The following DHRSX variants were observed in gnomAD, a reference collection of about 807,000 sequenced individuals.
DHRSX encodes polyprenol dehydrogenase.
A neutral mutation model predicts 34.0 loss-of-function variants in DHRSX; 31 were observed. That is an observed-to-expected ratio of 0.91 (90% confidence interval 0.69 to 1.23). DHRSX has a LOEUF of 1.23. Among genes scored for constraint, DHRSX ranks in the 50% most tolerant of loss-of-function variants. The pLI is 0.00. For synonymous variants in DHRSX, 201 were observed against 183.8 expected, an observed-to-expected ratio of 1.09 and a Z score of -0.76; for missense variants, 414 against 428.1, an observed-to-expected ratio of 0.97 and a Z score of 0.29.
At chrX:2,229,059 G>C (rs757261574) in intron 6 of DHRSX, among the ~76,000 whole-genome samples, 3 of 152,330 alleles carry the variant, frequency 2.0e-5, no homozygotes, top group Non-Finnish European at 2.9e-5. Flanking sequence ...GGCACGCAGA[G>C]GCTCGTTCGC....
At chrX:2,443,791 G>A (rs1388950112) in intron 1 of DHRSX, among the ~76,000 whole-genome samples, 3 of 152,122 alleles carry the variant, frequency 2.0e-5, no homozygotes. Context: ...CAGATCACGA[G>A]GTCAGGATAT....
chrX:2,347,305 A>ACTTACTC (rs1302223036), intron 3 of DHRSX, among the ~76,000 whole-genome samples: 1 of 152,128 alleles, frequency 6.6e-6, no homozygotes, highest in African/African-American at 2.4e-5. Context: ...ATCTCATAAA[A>ACTTACTC]CTTACTCACT....
chrX:2,283,446 G>C (rs185107219), intron 4 of DHRSX, among the ~76,000 whole-genome samples: 2 of 152,116 alleles, frequency 1.3e-5, no homozygotes, highest in African/African-American at 4.8e-5. Context: ...TCAAGGATCC[G>C]CTGACGAATG....
At chrX:2,379,612 T>G (rs1284696172) in intron 3 of DHRSX, among the ~76,000 whole-genome samples, 5 of 150,174 alleles carry the variant, frequency 3.3e-5, no homozygotes, top group Admixed American at 1.3e-4. Context: ...TTTTTTTTTT[T>G]TTTTTTTAAT....
intron 1 of DHRSX, among the ~76,000 whole-genome samples, chrX:2,447,301 G>A (rs1251254068): frequency 1.3e-5 from 2 of 152,118 alleles, no homozygotes; most frequent in Non-Finnish European, 2.9e-5. Context: ...ACACACTGAA[G>A]ACATTCACTA....
intron 3 of DHRSX, among the ~76,000 whole-genome samples, chrX:2,360,511 A>G (rs1010515885): frequency 4.6e-5 from 7 of 152,072 alleles, no homozygotes; most frequent in Non-Finnish European, 1.0e-4. Context: ...TGAACCCGGG[A>G]GGCGGAGATT....
chrX:2,415,052 G>T (rs1694461654), intron 2 of DHRSX, among the ~76,000 whole-genome samples: 1 of 150,878 alleles, frequency 6.6e-6, no homozygotes, highest in Non-Finnish European at 1.5e-5. Flanking sequence ...CAACCAAACA[G>T]ATCCCATTAT....
At chrX:2,465,809 C>CAAAAAAAAAAAAAAA (rs375728172) in intron 1 of DHRSX, among the ~76,000 whole-genome samples, 21 of 84,714 alleles carry the variant, frequency 2.5e-4, no homozygotes, top group African/African-American at 7.2e-4. Flanking sequence ...AACTCCATCG[C>CAAAAAAAAAAAAAAA]AAAAAAAAAA....
intron 1 of DHRSX, among the ~76,000 whole-genome samples, chrX:2,463,815 C>G (rs2124687868): frequency 6.6e-6 from 1 of 150,456 alleles, no homozygotes; most frequent in South Asian, 2.1e-4. Context: ...GAAAAAAAAG[C>G]AGCTTACAGG....
chrX:2,358,941 T>C (rs1358611115), intron 3 of DHRSX, among the ~76,000 whole-genome samples: 1 of 140,488 alleles, frequency 7.1e-6, no homozygotes, highest in Non-Finnish European at 1.5e-5. Context: ...AGAGTGAGAC[T>C]CTGTCTCGGA....
At chrX:2,446,216 T>TA (rs1224202963) in intron 1 of DHRSX, among the ~76,000 whole-genome samples, 1 of 151,792 alleles carries the variant, frequency 6.6e-6, no homozygotes, top group African/African-American at 2.4e-5. Context: ...ATGTACACAC[T>TA]AAAAATGTTC....
At chrX:2,388,682 A>T (rs1783046206) in intron 3 of DHRSX, among the ~76,000 whole-genome samples, 1 of 151,900 alleles carries the variant, frequency 6.6e-6, no homozygotes, top group South Asian at 2.1e-4. Context: ...GGACACAGAC[A>T]CAGACAGAGG....
intron 1 of DHRSX, among the ~76,000 whole-genome samples, chrX:2,499,602 C>A (rs2045362437): frequency 6.6e-6 from 1 of 151,758 alleles, no homozygotes; most frequent in Non-Finnish European, 1.5e-5. Flanking sequence ...GAGATGCCAT[C>A]TCTACAAAAA....
intron 4 of DHRSX, among the ~76,000 whole-genome samples, chrX:2,271,056 T>A (rs1440877283): frequency 6.6e-6 from 1 of 152,240 alleles, no homozygotes; most frequent in African/African-American, 2.4e-5. Context: ...TTCCACGTTG[T>A]GGAAACTTTG....
chrX:2,493,093 G>A (rs570040501), intron 1 of DHRSX, among the ~76,000 whole-genome samples: 2 of 152,334 alleles, frequency 1.3e-5, no homozygotes, highest in African/African-American at 4.8e-5. Flanking sequence ...GTGCAAGGAG[G>A]GGGGTCCTGT....
chrX:2,231,753 G>A (rs1402955993), intron 6 of DHRSX, among the ~76,000 whole-genome samples: 7 of 130,392 alleles, frequency 5.4e-5, no homozygotes, highest in African/African-American at 1.2e-4. Context: ...CCTCCACCTC[G>A]TCCTCTTCCT....
chrX:2,368,867 G>A (rs934338262), intron 3 of DHRSX, among the ~76,000 whole-genome samples: 7 of 151,918 alleles, frequency 4.6e-5, no homozygotes, highest in African/African-American at 7.2e-5. Context: ...TAAATAACCC[G>A]GGAGGTGGAG....
In DHRSX at chrX:2,270,747, G is replaced by A. The variant is rs760031828; in HGVS notation, c.389-3800C>T. On this transcript the variant is annotated intron_variant, in intron 4 of 6. Transcript: ENST00000334651. ...CTGCTTTTGAGACGTGAAGCCACCT[G>A]GACTTCCTGGGTCGAGTGGAGACCC... Among the ~76,000 whole-genome samples, 4 of 152,292 alleles carry A rather than the reference G, an allele frequency of 2.6e-5. No individual in the cohort carries two copies. The East Asian group carries it at 7.7e-4, about 29-fold the overall frequency.
chrX:2,242,621 C>T lies in DHRSX; in HGVS notation c.804+402G>A, dbSNP rs771724703. On this transcript the variant is annotated intron_variant, in intron 6 of 6. Transcript: ENST00000334651. Reference sequence around the variant, plus strand: ...TTGCAGTAAAGAAGCGGGCCAAAACCCACAAAAAGCAAAATGGCGACAAGA... The same window carrying T: ...TTGCAGTAAAGAAGCGGGCCAAAACTCACAAAAAGCAAAATGGCGACAAGA... 2.0e-5 allele frequency among the ~76,000 whole-genome samples: 3 copies of T among 152,146 alleles called. No homozygotes were observed. In the South Asian group the frequency reaches 6.2e-4, roughly 32 times the overall value.
Sources: allele counts gnomAD v4.1 joint callset (sites outside exome capture counted in the v4.1 genomes callset), GRCh38; gene constraint gnomAD v4.1.1; transcripts MANE v1.5; gene names NCBI Gene and HGNC (gene_info 2026-07-23, HGNC 2026-07-21).